GPR37: variants seen among roughly 807,000 people sequenced by gnomAD.
The protein encoded by GPR37 is prosaposin receptor GPR37.
Under a neutral mutation model 43.6 loss-of-function variants are expected in GPR37, and 20 were observed. That is an observed-to-expected ratio of 0.46 (90% CI 0.32 to 0.67). The LOEUF (loss-of-function observed/expected upper bound fraction) is 0.67. Among genes scored for constraint, GPR37 ranks in the 30% least tolerant of loss-of-function variants. The pLI, the probability that GPR37 is intolerant of heterozygous loss-of-function variation, is 0.03. For synonymous variants in GPR37, 315 were observed against 322.6 expected (o/e 0.98, Z 0.25); for missense variants, 724 against 797.2 (o/e 0.91, Z 1.11).
intron 1 of GPR37, among the ~76,000 whole-genome samples, chr7:124,748,733 C>T (rs984339111): frequency 6.6e-6 from 1 of 151,842 alleles, no homozygotes; most frequent in African/African-American, 2.4e-5. Flanking sequence ...TGACAATAAC[C>T]ACATGAAAAA....
Position 124,764,955 on chromosome 7 carries a change from GA to G in GPR37, c.21del (p.Leu8SerfsTer41). 6.6e-7 allele frequency: 1 copy of G among 1,504,888 alleles called. No homozygotes were observed. The highest frequency in any genetic ancestry group is 8.8e-7 in the Non-Finnish European group (1 of 1,130,320). The allele number at this position is 1,504,888 out of a possible 1,614,324, so 93.2% of individuals were successfully genotyped here. A position where few individuals can be genotyped will look rare whatever the true frequency, so the allele number is the denominator to read the frequency against. Reference sequence around the variant, plus strand: ...AGCAGTAGCCGCGACATGCGGGCGAGAAGCGCGCCCGGGGCTCGCATGGCTT... The same window carrying G: ...AGCAGTAGCCGCGACATGCGGGCGAGAGCGCGCCCGGGGCTCGCATGGCTT... Reference protein sequence around the residue: MRAPGALLARMSRLLLL... With the variant: MRAPGAXLARMSRLLLL... On this transcript the variant is annotated frameshift_variant, in exon 1 of 2. Transcript: ENST00000303921. LOFTEE classifies it high-confidence loss of function. The surrounding 1 kb of genome is among the most constrained non-coding windows in gnomAD (Gnocchi z 5.4).
rs148501961 is a variant in GPR37, at chr7:124,744,860, G to A, written c.*1665C>T. The A allele has an allele frequency of 6.6e-6, 1 of 152,268 alleles. No individual in the cohort carries two copies. Among genetic ancestry groups the A allele is most frequent in the African/African-American group, 2.4e-5 (1 of 41,564 alleles). 9.4% of individuals were successfully genotyped at this position (152,268 alleles called of 1,614,324 possible). A position where few individuals can be genotyped will look rare whatever the true frequency, so the allele number is the denominator to read the frequency against. ...TTTATAAAGTGACTAAATATCAGGA[G>A]AGACACTATGGAATCACAGTTGCTG... On this transcript the variant is annotated 3_prime_UTR_variant, in exon 2 of 2. Coordinates refer to ENST00000303921, the MANE Select transcript of GPR37 (RefSeq NM_005302.5).
Position 124,746,718 on chromosome 7 carries a change from A to G in GPR37, c.1649T>C (p.Phe550Ser), listed in dbSNP as rs1355012529. 6.2e-7 allele frequency: 1 copy of G among 1,613,986 alleles called. No individual in the cohort carries two copies. ...CCGACTGAAGGGTTTGCAGAGACAG[A>G]AAAGGAGGACTGGGGTGACACAGGA... ...FKSCVTPVLL[F>S]CLCKPFSRAF... Residue 550 changes from phenylalanine (F) to serine (S), a missense_variant, in exon 2 of 2, where the codon TTC becomes TCC. Transcript: ENST00000303921.
At chr7:124,758,680 T>A (rs539767257) in intron 1 of GPR37, among the ~76,000 whole-genome samples, 2 of 152,334 alleles carry the variant, frequency 1.3e-5, no homozygotes, top group African/African-American at 4.8e-5. Flanking sequence ...ATTGCTAAAG[T>A]CATTGGAGAA....
intron 1 of GPR37, among the ~76,000 whole-genome samples, chr7:124,762,690 C>T (rs1793864703): frequency 6.6e-6 from 1 of 152,186 alleles, no homozygotes; most frequent in African/African-American, 2.4e-5. Context: ...CAGCTGATTT[C>T]ATAGTCATGG....
chr7:124,747,341 G>C lies in GPR37; in HGVS notation c.1026C>G (p.Val342=), dbSNP rs145146066. The change falls in exon 2 of 2, where the codon GTC becomes GTG. Residue 342 remains valine (V), a splice_region_variant and synonymous_variant. Transcript: ENST00000303921. ...FSCKIVPYIE[V]ASLGVTTFTL... is the part of the protein sequence containing the mutation. ...TGAAAGTGGTGACTCCCAGAGAAGC[G>C]ACCTGTGGGGGAACATAGAAGACAT... 2.5e-6 allele frequency: 4 copies of C among 1,597,452 alleles called. No individual in the cohort carries two copies. The Admixed American group carries it at 6.8e-5, about 27-fold the overall frequency.
intron 1 of GPR37, among the ~76,000 whole-genome samples, chr7:124,755,451 A>G (rs1395175960): frequency 6.6e-5 from 10 of 152,090 alleles, no homozygotes; most frequent in African/African-American, 2.4e-4. Flanking sequence ...AAAAATCAAC[A>G]TATTCTCCCA....
chr7:124,760,657 G>A (rs372783723), intron 1 of GPR37, among the ~76,000 whole-genome samples: 106 of 152,072 alleles, frequency 7.0e-4, no homozygotes, highest in African/African-American at 2.5e-3. Context: ...GAGCGGAAAG[G>A]AAAAGAAAAC....
chr7:124,745,202 G>A lies in GPR37; in HGVS notation c.*1323C>T, dbSNP rs1458029353. ...ACAGAAATCAACAAGCAGAAACTAC[G>A]TTTTCCCAGCAAGAAAACTGGGTTC... is the stretch of plus-strand genomic sequence containing the variant. On this transcript the variant is annotated 3_prime_UTR_variant, in exon 2 of 2. Transcript: ENST00000303921. Among the ~76,000 whole-genome samples the A allele has an allele frequency of 2.0e-5, 3 of 152,118 alleles. No homozygotes were observed. Among genetic ancestry groups the A allele is most frequent in the Non-Finnish European group, 2.9e-5 (2 of 67,992 alleles).
Position 124,764,906 on chromosome 7 carries a change from G to T in GPR37, c.71C>A (p.Ala24Asp). 1 of 1,597,494 alleles carries T rather than the reference G, an allele frequency of 6.3e-7. No individual in the cohort carries two copies. ...LLLLLLLKVSASSALGVAPAS... is the reference protein window; with the variant it reads ...LLLLLLLKVSDSSALGVAPAS... ...AGGGGCGACCCCGAGGGCAGAAGAG[G>T]CAGACACCTTGAGCAGTAGCAGAAG... The change falls in exon 1 of 2, where the codon GCC becomes GAC. Residue 24 changes from alanine (A) to aspartate (D), a missense_variant. Around this residue, in one of 2 missense-constraint regions of GPR37, gnomAD observed 382 missense variants for 355.4 expected, o/e 1.07. Coordinates refer to ENST00000303921, the MANE Select transcript of GPR37 (RefSeq NM_005302.5). This position sits in a 1 kb window ranked among gnomAD's most constrained non-coding sequence, Gnocchi z 5.4.
At chr7:124,758,995 G>C (rs754919223) in intron 1 of GPR37, among the ~76,000 whole-genome samples, 1 of 151,704 alleles carries the variant, frequency 6.6e-6, no homozygotes, top group Non-Finnish European at 1.5e-5. Context: ...ATGATACCTT[G>C]ATTCTGACTT....
Position 124,746,063 on chromosome 7 carries a change from A to C in GPR37, c.*462T>G, listed in dbSNP as rs1027700236. The C allele has an allele frequency of 6.6e-6, 1 of 152,502 alleles. No homozygotes were observed. The highest frequency in any genetic ancestry group is 1.5e-5 in the Non-Finnish European group (1 of 68,248). The allele number at this position is 152,502 out of a possible 1,614,324, so 9.4% of individuals were successfully genotyped here. A position where few individuals can be genotyped will look rare whatever the true frequency, so the allele number is the denominator to read the frequency against. ...TAAAAGTAGATTGACAATGACATTA[A>C]AGAATAAAGTGTAATTTATTTGGTG... On this transcript the variant is annotated 3_prime_UTR_variant, in exon 2 of 2. Transcript: ENST00000303921.
chr7:124,761,154 C>CAAAAAAAAAAAA (rs60967099), intron 1 of GPR37, among the ~76,000 whole-genome samples: 1 of 77,470 alleles, frequency 1.3e-5, no homozygotes, highest in African/African-American at 5.3e-5. Flanking sequence ...GACTCCGTCT[C>CAAAAAAAAAAAA]AAAAAAAAAA....
chr7:124,753,115 A>T (rs939877942), intron 1 of GPR37, among the ~76,000 whole-genome samples: 1 of 152,102 alleles, frequency 6.6e-6, no homozygotes, highest in Admixed American at 6.6e-5. Context: ...CTTAAATGAT[A>T]ATATAGAGAT....
At position 124,764,757 on chromosome 7, in the gene GPR37, C is replaced by T; in HGVS notation, c.220G>A (p.Glu74Lys). The T allele has an allele frequency of 1.2e-6, 2 of 1,612,336 alleles. No homozygotes were observed. The highest frequency in any genetic ancestry group is 1.7e-4 in the Middle Eastern group (1 of 6,060). The change falls in exon 1 of 2, where the codon GAG (glutamate) becomes AAG (lysine). Residue 74 changes from glutamate (E) to lysine (K), a missense_variant. Transcript: ENST00000303921. The surrounding 1 kb of genome is among the most constrained non-coding windows in gnomAD (Gnocchi z 5.4). ...RDVLRARAPR[E>K]EQGAAFLAGP... ...GCAAGAAACGCTGCCCCCTGCTCCT[C>T]CCTGGGTGCTCGGGCTCGCAGAACG...
At chr7:124,754,437 A>G (rs1793769276) in intron 1 of GPR37, among the ~76,000 whole-genome samples, 1 of 152,152 alleles carries the variant, frequency 6.6e-6, no homozygotes, top group Non-Finnish European at 1.5e-5. Context: ...TACAAATCAT[A>G]AAGTAAATTG....
rs549702344 is a variant in GPR37, at chr7:124,760,998, A to T, written c.1023+2956T>A. On this transcript the variant is annotated intron_variant, in intron 1 of 1. Transcript: ENST00000303921. ...TGGTGAAAGCCCATCTCTACTAAAAATACAAAAAAAATTAGCCGGGTGTGG... is the reference window on the plus strand; with the variant it reads ...TGGTGAAAGCCCATCTCTACTAAAATTACAAAAAAAATTAGCCGGGTGTGG... 3.4e-3 allele frequency among the ~76,000 whole-genome samples: 516 copies of T among 152,180 alleles called. 4 individuals carry two copies. Among genetic ancestry groups the T allele is most frequent in the Middle Eastern group, 0.014 (4 of 294 alleles).
chr7:124,750,853 A>G (rs1162666275), intron 1 of GPR37, among the ~76,000 whole-genome samples: 17 of 152,088 alleles, frequency 1.1e-4, no homozygotes, highest in Admixed American at 6.6e-5. Context: ...AAGACAACAA[A>G]AGCCAGGACA....
chr7:124,763,098 A>G (rs1793869044), intron 1 of GPR37, among the ~76,000 whole-genome samples: 1 of 152,172 alleles, frequency 6.6e-6, no homozygotes, highest in South Asian at 2.1e-4. Context: ...TTCACTCAAA[A>G]TGATTTTTGT....
Sources: gnomAD v4.1 joint callset for allele counts (sites outside exome capture counted in the v4.1 genomes callset) on GRCh38, gnomAD v4.1.1 for gene constraint, gnomAD v4.1.1 regional missense constraint, Gnocchi (gnomAD v3.1) non-coding constraint, MANE v1.5 for transcripts, NCBI Gene and HGNC (gene_info 2026-07-23, HGNC 2026-07-21) for gene names.